Variants in ART1 observed in about 807,000 individuals in gnomAD.
ART1 encodes the protein GPI-linked NAD(P)(+)--arginine ADP-ribosyltransferase 1.
In ART1, 29 loss-of-function variants were observed where a neutral mutation model predicts 27.0. The observed-to-expected ratio is 1.08, with a 90% CI of 0.80 to 1.47. The LOEUF is 1.47. ART1 is among the 40% of genes most tolerant of loss of function. The pLI is 0.00. For missense variants in ART1, 480 were observed against 423.0 expected, an observed-to-expected ratio of 1.13 and a Z score of -1.18; for synonymous variants, 201 against 172.2, an observed-to-expected ratio of 1.17 and a Z score of -1.31.
At chr11:3,648,418 G>C (rs918761153) in intron 1 of ART1, among the ~76,000 whole-genome samples, 2 of 152,064 alleles carry the variant, frequency 1.3e-5, no homozygotes, top group African/African-American at 2.4e-5. Context: ...TCCTCAGACC[G>C]ACCAGCGCAA....
intron 1 of ART1, among the ~76,000 whole-genome samples, chr11:3,647,068 C>A (rs2077474175): frequency 6.6e-6 from 1 of 152,112 alleles, no homozygotes; most frequent in Non-Finnish European, 1.5e-5. Context: ...TGCCTGTAAT[C>A]CCAGCACTTT....
chr11:3,645,910 G>A (rs934286014), intron 1 of ART1, among the ~76,000 whole-genome samples: 15 of 152,252 alleles, frequency 9.9e-5, no homozygotes, highest in African/African-American at 3.6e-4. Context: ...GCCACAGGGA[G>A]GGTAACCACG....
At chr11:3,645,303 A>T (rs2077463699) in intron 1 of ART1, 124 bp downstream of exon 1, 1 of 152,070 alleles carries the variant, frequency 6.6e-6, no homozygotes, top group Admixed American at 6.6e-5. Context: ...ACTTTGATGA[A>T]GTTTGGGATA....
chr11:3,658,856 A>G (rs1336604018), intron 1 of ART1, among the ~76,000 whole-genome samples: 2 of 152,032 alleles, frequency 1.3e-5, no homozygotes, highest in Non-Finnish European at 2.9e-5. Context: ...TTACATCCTC[A>G]GTTCCCACCT....
At chr11:3,649,534 TCTTC>T (rs919274216) in intron 1 of ART1, among the ~76,000 whole-genome samples, 2 of 152,170 alleles carry the variant, frequency 1.3e-5, no homozygotes, top group Admixed American at 6.5e-5. Flanking sequence ...GTCTTTCTAA[TCTTC>T]CTTTTCTACA....
intron 1 of ART1, among the ~76,000 whole-genome samples, chr11:3,656,331 T>C (rs1172665171): frequency 6.6e-6 from 1 of 152,042 alleles, no homozygotes; most frequent in African/African-American, 2.4e-5. Context: ...ACTACAGATA[T>C]GCACCACCAC....
At chr11:3,647,381 A>C (rs994487998) in intron 1 of ART1, among the ~76,000 whole-genome samples, 8 of 151,528 alleles carry the variant, frequency 5.3e-5, no homozygotes, top group Non-Finnish European at 1.5e-5. Context: ...CAGGCCTATA[A>C]TCCCAGCACT....
Position 3,655,492 on chromosome 11 carries a change from C to T in ART1, c.-52-3670C>T, listed in dbSNP as rs548519558. Reference sequence around the variant, plus strand: ...TTACACTTTTGGCCTGCCCTGTGCTCACAAAAAACAGGCTCCCAGGGTGAT... The same window carrying T: ...TTACACTTTTGGCCTGCCCTGTGCTTACAAAAAACAGGCTCCCAGGGTGAT... On this transcript the variant is annotated intron_variant, in intron 1 of 4. Transcript: ENST00000250693. 3.3e-5 allele frequency: 5 copies of T among 152,292 alleles called. 1 individual carries two copies. In the South Asian group the frequency reaches 1.0e-3, roughly 32 times the overall value. The allele number at this position is 152,292 out of a possible 1,614,324, so 9.4% of individuals were successfully genotyped here. A position where few individuals can be genotyped will look rare whatever the true frequency, so the allele number is the denominator to read the frequency against.
At chr11:3,649,078 G>T (rs554233944) in intron 1 of ART1, among the ~76,000 whole-genome samples, 2 of 151,100 alleles carry the variant, frequency 1.3e-5, no homozygotes, top group Non-Finnish European at 2.9e-5. Flanking sequence ...CCCCTTTCCC[G>T]CTTTTCTGGA....
intron 1 of ART1, among the ~76,000 whole-genome samples, chr11:3,645,810 G>T (rs1386848249): frequency 6.6e-6 from 1 of 152,198 alleles, no homozygotes; most frequent in Non-Finnish European, 1.5e-5. Flanking sequence ...GAGTCAGAGG[G>T]CTTCCTGGAG....
At chr11:3,658,123 A>C (rs2133960683) in intron 1 of ART1, among the ~76,000 whole-genome samples, 1 of 152,206 alleles carries the variant, frequency 6.6e-6, no homozygotes, top group South Asian at 2.1e-4. Context: ...ACCTGAGGTC[A>C]GGAGTTCGAG....
intron 4 of ART1, among the ~76,000 whole-genome samples, chr11:3,661,809 T>C (rs2077623612): frequency 6.6e-6 from 1 of 152,024 alleles, no homozygotes; most frequent in African/African-American, 2.4e-5. Flanking sequence ...ACCTGAATCT[T>C]TTATAAGGAA....
intron 1 of ART1, among the ~76,000 whole-genome samples, chr11:3,650,975 T>C (rs898467134): frequency 1.3e-5 from 2 of 151,992 alleles, no homozygotes; most frequent in African/African-American, 2.4e-5. Context: ...TGTTATTACT[T>C]GCCTGTTACA....
intron 1 of ART1, among the ~76,000 whole-genome samples, chr11:3,650,195 C>T (rs1022860004): frequency 2.0e-5 from 3 of 152,334 alleles, no homozygotes; most frequent in African/African-American, 7.2e-5. Flanking sequence ...ACCTCCTCCC[C>T]CAGGAGCTTG....
intron 4 of ART1, 53 bp downstream of exon 4, chr11:3,661,466 T>C: frequency 8.0e-7 from 1 of 1,244,518 alleles, no homozygotes; most frequent in Non-Finnish European, 1.1e-6. Context: ...CAGGCTGCTC[T>C]GGGGTTGGCC....
intron 1 of ART1, among the ~76,000 whole-genome samples, chr11:3,652,267 C>T (rs1055356191): frequency 3.3e-5 from 5 of 151,172 alleles, no homozygotes; most frequent in Admixed American, 6.6e-5. Context: ...AGAAGGCCAC[C>T]GCAGTCATTT....
rs2077643132 is a variant in ART1 at position 3,664,109 on chromosome 11, C to G, written c.904C>G (p.Leu302Val). The part of the protein sequence containing the change: ...LDNSAMGQSP[L>V]SAVWSLLLLL... Reference sequence around the variant, plus strand: ...CCCTGCAGCCATGGGTCAGAGCCCCCTCTCTGCAGTCTGGTCTTTGCTGCT... The same window carrying G: ...CCCTGCAGCCATGGGTCAGAGCCCCGTCTCTGCAGTCTGGTCTTTGCTGCT... Residue 302 changes from leucine (L) to valine (V), a missense_variant, in exon 5 of 5, where the codon CTC (leucine) becomes GTC (valine). Physicochemically the swap from Leu to Val is conservative, Grantham distance 32 (BLOSUM62 1). Transcript: ENST00000250693. 1.5e-5 allele frequency: 25 copies of G among 1,614,046 alleles called. No homozygotes were observed. The highest frequency in any genetic ancestry group is 2.1e-5 in the Non-Finnish European group (25 of 1,180,026).
intron 1 of ART1, among the ~76,000 whole-genome samples, chr11:3,651,809 T>C (rs1217452510): frequency 6.6e-6 from 1 of 151,662 alleles, no homozygotes; most frequent in African/African-American, 2.4e-5. Flanking sequence ...TTATTCCTGA[T>C]ACCACACCTG....
chr11:3,660,787 A>G (rs1437992060), intron 3 of ART1, among the ~76,000 whole-genome samples: 1 of 152,094 alleles, frequency 6.6e-6, no homozygotes, highest in African/African-American at 2.4e-5. Flanking sequence ...CATTTATGAG[A>G]TGGAAGAGGA....
Sources: gnomAD v4.1 joint callset for allele counts (sites outside exome capture counted in the v4.1 genomes callset) on GRCh38, gnomAD v4.1.1 for gene constraint, MANE v1.5 for transcripts, NCBI Gene and HGNC (gene_info 2026-07-23, HGNC 2026-07-21) for gene names.